The following CAPN12 variants were observed in gnomAD, a reference collection of about 807,000 sequenced individuals.
CAPN12 encodes the protein calpain 12.
A neutral mutation model predicts 95.0 loss-of-function variants in CAPN12; 107 were observed. That is an observed-to-expected ratio of 1.13 (90% CI 0.96 to 1.32). CAPN12 has a LOEUF of 1.32. CAPN12 is among the 40% of genes most tolerant of loss of function. CAPN12 has a pLI of 0.00. For synonymous variants in CAPN12, 505 were observed against 415.5 expected (o/e 1.22, Z -2.62); for missense variants, 1,136 against 997.8 (o/e 1.14, Z -1.87).
intron 10 of CAPN12, chr19:38,736,936 C>T: frequency 7.2e-6 from 2 of 278,138 alleles, no homozygotes; most frequent in South Asian, 7.9e-5. Flanking sequence ...CCCCTCCCAG[C>T]GCCGCCCCCT....
intron 2 of CAPN12, 53 bp from the exon 3 acceptor site, chr19:38,742,581 G>C (rs1106372): frequency 7.8e-6 from 10 of 1,287,978 alleles, no homozygotes; most frequent in Non-Finnish European, 1.1e-5. Context: ...GGCCTGGTGC[G>C]GTGGCTCATG....
rs1969801496 is a variant in CAPN12, at chr19:38,733,703, C to T, written c.1957G>A (p.Gly653Ser). ...GACCACCCCAGGACCCTGTCCACAC[C>T]TGCTGCATTCAGTGCCAGCCTCAGC... is the stretch of plus-strand genomic sequence containing the variant. ...YELRLALNAA[G>S]FHLNNQLTQT... The change falls in exon 18 of 21, where the codon GGC becomes AGC. Residue 653 changes from glycine (G) to serine (S), a missense_variant and splice_region_variant. By Grantham distance (56) the Gly-to-Ser change is moderately conservative. Coordinates refer to ENST00000328867, the MANE Select transcript of CAPN12 (RefSeq NM_144691.4). The T allele has an allele frequency of 2.5e-6, 4 of 1,613,338 alleles. No individual in the cohort carries two copies. The East Asian group carries it at 8.9e-5, about 36-fold the overall frequency.
rs552301659 is a variant in CAPN12 at position 38,735,669 on chromosome 19, T to G, written c.1584-125A>C. 54 of 271,786 alleles carry G rather than the reference T, an allele frequency of 2.0e-4. No individual in the cohort carries two copies. In the African/African-American group the frequency reaches 2.3e-3, roughly 11 times the overall value. 16.8% of individuals were successfully genotyped at this position (271,786 alleles called of 1,614,324 possible). ...GGACCGTGGAGCCCTGGGCTCATCCTCGCGGGGCGGGGGTTCTGGGGGCGG... is the reference window on the plus strand; with the variant it reads ...GGACCGTGGAGCCCTGGGCTCATCCGCGCGGGGCGGGGGTTCTGGGGGCGG... On this transcript the variant is annotated intron_variant, in intron 12 of 20. Transcript: ENST00000328867.
chr19:38,744,572 C>T (rs1599946380), upstream of CAPN12: 4 of 262,288 alleles, frequency 1.5e-5, no homozygotes, highest in Admixed American at 1.4e-4. Flanking sequence ...TCTCCCCCTC[C>T]CTCTGACAGT....
chr19:38,739,982 C>A, intron 5 of CAPN12, 69 bp downstream of exon 5: 1 of 1,435,144 alleles, frequency 7.0e-7, no homozygotes, highest in East Asian at 2.4e-5. Context: ...GCACTCCGCC[C>A]ACCCCACCAC....
At chr19:38,738,073 T>C (rs1470234142) in intron 8 of CAPN12, among the ~76,000 whole-genome samples, 200 bp downstream of exon 8, 1 of 152,170 alleles carries the variant, frequency 6.6e-6, no homozygotes, top group Admixed American at 6.6e-5. Context: ...ACTACTTTTT[T>C]AAACCCACTC....
chr19:38,742,850 CAAAAAA>C (rs11406594), intron 2 of CAPN12, among the ~76,000 whole-genome samples, 177 bp downstream of exon 2: 3 of 53,294 alleles, frequency 5.6e-5, no homozygotes, highest in South Asian at 1.3e-3. Flanking sequence ...GACCCCATCT[CAAAAAA>C]AAAAAAAAAA....
rs569843363 is a variant in CAPN12, at chr19:38,735,513, G to A, written c.1615C>T (p.Gln539Ter). 1.6e-5 allele frequency: 26 copies of A among 1,611,120 alleles called. No individual in the cohort carries two copies. The highest frequency in any genetic ancestry group is 1.2e-4 in the South Asian group (11 of 90,928). ...GGAACAGTCCCCACCTGGAGAGACTGCAGGTCTGCGCTGATCACGTCGTCG... is the reference window on the plus strand; with the variant it reads ...GGAACAGTCCCCACCTGGAGAGACTACAGGTCTGCGCTGATCACGTCGTCG... Reference protein sequence around the residue: ...EIDDVISADLQSLQGPYLPLE... With the variant: ...EIDDVISADL Residue 539 changes from glutamine to a stop codon, truncating the protein, a stop_gained, in exon 13 of 21, where the codon CAG becomes TAG. Coordinates refer to ENST00000328867, the MANE Select transcript of CAPN12 (RefSeq NM_144691.4). LOFTEE classifies it high-confidence loss of function.
rs963678458 is a variant in CAPN12, at chr19:38,732,500, T to C, written c.1957+1203A>G. On this transcript the variant is annotated intron_variant, in intron 18 of 20. Coordinates refer to ENST00000328867, the MANE Select transcript of CAPN12 (RefSeq NM_144691.4). ...GCACGCACCACCACGCCTGGCTAAT[T>C]TTTGTAGTTTTAGTAGAGACGGGGG... Among the ~76,000 whole-genome samples the C allele has an allele frequency of 1.3e-4, 20 of 152,218 alleles. No individual in the cohort carries two copies. In the East Asian group the frequency reaches 3.9e-3, roughly 29 times the overall value.
chr19:38,738,450 G>C lies in CAPN12; in HGVS notation c.858C>G (p.Gly286=). The C allele has an allele frequency of 6.2e-7, 1 of 1,610,202 alleles. No homozygotes were observed. Among genetic ancestry groups the C allele is most frequent in the African/African-American group, 1.3e-5 (1 of 75,018 alleles). The stretch of plus-strand genomic sequence containing the variant: ...TCCAGGCCCCCGTCCACTCCACGCA[G>C]CCCCATGGGTTCCGCAGCCGCAGCA... The part of the protein sequence containing the change: ...VRLLRLRNPW[G]CVEWTGAWSD... Residue 286 remains glycine, a synonymous_variant, in exon 7 of 21, where the codon GGC becomes GGG. Transcript: ENST00000328867.
intron 18 of CAPN12, chr19:38,731,612 T>C (rs1051340699): frequency 2.4e-5 from 6 of 251,538 alleles, no homozygotes; most frequent in Non-Finnish European, 4.8e-5. Context: ...ACAGTCTACC[T>C]CAGAGGCGAT....
chr19:38,730,925 G>A (rs1268787632), intron 20 of CAPN12, 40 bp downstream of exon 20: 2 of 1,550,498 alleles, frequency 1.3e-6, no homozygotes, highest in Non-Finnish European at 1.7e-6. Flanking sequence ...GAGCTCGCAG[G>A]ACAGAGCCTG....
chr19:38,742,586 C>T, intron 2 of CAPN12, 58 bp from the exon 3 acceptor site: 1 of 1,219,292 alleles, frequency 8.2e-7, no homozygotes, highest in East Asian at 2.5e-5. Flanking sequence ...GGTGCGGTGG[C>T]TCATGCCTCT....
chr19:38,734,116 G>A (rs944787262), intron 17 of CAPN12, 26 bp downstream of exon 17: 1 of 1,610,930 alleles, frequency 6.2e-7, no homozygotes, highest in African/African-American at 1.3e-5. Context: ...TCTCTTTCTG[G>A]GAAGAGGCCC....
In CAPN12 at chr19:38,740,108, C is replaced by T; in HGVS notation, c.672G>A (p.Leu224=). 6.2e-7 allele frequency: 1 copy of T among 1,613,510 alleles called. No homozygotes were observed. Among genetic ancestry groups the T allele is most frequent in the Non-Finnish European group, 8.5e-7 (1 of 1,179,864 alleles). The part of the protein sequence containing the change: ...VLYLRQNSMG[L]FSALRHALAK... ...CCAGGGCATGGCGCAGGGCAGAGAA[C>T]AGCCCCATGCTGTTTTGTCTCAGAT... The change falls in exon 5 of 21, where the codon CTG becomes CTA. Residue 224 remains leucine, a synonymous_variant. Coordinates refer to ENST00000328867, the MANE Select transcript of CAPN12 (RefSeq NM_144691.4).
intron 1 of CAPN12, among the ~76,000 whole-genome samples, chr19:38,743,392 A>C (rs566992612): frequency 2.6e-5 from 2 of 76,744 alleles, no homozygotes; most frequent in African/African-American, 9.8e-5. Context: ...CCTCAGACCC[A>C]GGAGTCCAGG....
chr19:38,737,299 AG>A lies in CAPN12; in HGVS notation c.1218del (p.Trp407GlyfsTer32). ...GGGCCCCGTGCCCCTGCAGCCCCCC[AG>A]CCCCCCCAGGGCCCTTCCTCATCCT... ...DDEDEEGPWG[G>X]WGAAGARGPA... On this transcript the variant is annotated frameshift_variant, in exon 10 of 21. Transcript: ENST00000328867. LOFTEE classifies it high-confidence loss of function. 7 of 245,876 alleles carry A rather than the reference AG, an allele frequency of 2.8e-5. No individual in the cohort carries two copies. The South Asian group carries it at 3.6e-4, about 13-fold the overall frequency. The allele number at this position is 245,876 out of a possible 1,614,324, so 15.2% of individuals were successfully genotyped here.
chr19:38,733,992 G>C (rs527394527), intron 17 of CAPN12, 150 bp downstream of exon 17: 36 of 867,706 alleles, frequency 4.1e-5, no homozygotes, highest in Middle Eastern at 2.6e-4. Flanking sequence ...GAGGCTGGGT[G>C]GGGGCAGGGA....
At chr19:38,734,779 A>AC in intron 15 of CAPN12, 34 bp downstream of exon 15, 1 of 1,601,206 alleles carries the variant, frequency 6.2e-7, no homozygotes. Flanking sequence ...CCTGGCTAAG[A>AC]CCCCTCCTCC....
Sources: gnomAD v4.1 joint callset for allele counts (sites outside exome capture counted in the v4.1 genomes callset) on GRCh38, gnomAD v4.1.1 for gene constraint, MANE v1.5 for transcripts, NCBI Gene and HGNC (gene_info 2026-07-23, HGNC 2026-07-21) for gene names.